PRKCSH: variants seen among roughly 807,000 people sequenced by gnomAD.
PRKCSH encodes the protein PRKCSH beta subunit of glucosidase II, also known as glucosidase 2 subunit beta.
Under a neutral mutation model 79.7 loss-of-function variants are expected in PRKCSH, and 42 were observed. The observed-to-expected ratio is 0.53, with a 90% CI of 0.41 to 0.68. The LOEUF (loss-of-function observed/expected upper bound fraction) is 0.68. PRKCSH is among the 30% of genes least tolerant of loss of function. The pLI, the probability that PRKCSH is intolerant of heterozygous loss-of-function variation, is 0.00. For missense variants in PRKCSH, 686 were observed against 709.0 expected, an observed-to-expected ratio of 0.97 and a Z score of 0.37; for synonymous variants, 325 against 288.2, an observed-to-expected ratio of 1.13 and a Z score of -1.29.
intron 5 of PRKCSH, among the ~76,000 whole-genome samples, chr19:11,439,350 T>TC (rs1969938567): frequency 6.6e-6 from 1 of 151,694 alleles, no homozygotes; most frequent in Admixed American, 6.6e-5. Context: ...GCAGGAAGAC[T>TC]GCTTGAGCCC....
intron 7 of PRKCSH, among the ~76,000 whole-genome samples, chr19:11,445,070 A>G (rs1970232142): frequency 1.3e-5 from 2 of 151,972 alleles, no homozygotes; most frequent in African/African-American, 4.8e-5. Context: ...CTGTCCCAAC[A>G]GTGGCCTGAC....
In PRKCSH at chr19:11,447,762, G is replaced by A. The variant is rs764376521; in HGVS notation, c.1099G>A (p.Asp367Asn). The stretch of plus-strand genomic sequence containing the variant: ...TGAGGAAGACAAAATGCCGCCCTAC[G>A]ACGAGCAGACGCAGGCCTTCATCGA... ...PAEEDKMPPY[D>N]EQTQAFIDAA... is the part of the protein sequence containing the mutation. The change falls in exon 12 of 18, where the codon GAC (aspartate) becomes AAC (asparagine). Residue 367 changes from aspartate (D) to asparagine (N), a missense_variant. Transcript: ENST00000677123. This position sits in a 1 kb window ranked among gnomAD's most constrained non-coding sequence, Gnocchi z 5.6. 8 of 1,590,426 alleles carry A rather than the reference G, an allele frequency of 5.0e-6. No individual in the cohort carries two copies. In the African/African-American group the frequency reaches 8.0e-5, roughly 16 times the overall value.
At position 11,448,740 on chromosome 19, in the gene PRKCSH, G is replaced by C; in HGVS notation, c.1286+111G>C. 1 of 1,343,878 alleles carries C rather than the reference G, an allele frequency of 7.4e-7. No individual in the cohort carries two copies. The highest frequency in any genetic ancestry group is 2.3e-5 in the East Asian group (1 of 43,568). The allele number at this position is 1,343,878 out of a possible 1,614,324, so 83.2% of individuals were successfully genotyped here. On this transcript the variant is annotated intron_variant, in intron 14 of 17. Coordinates refer to ENST00000677123, the MANE Select transcript of PRKCSH (RefSeq NM_001289104.2). This position sits in a 1 kb window ranked among gnomAD's most constrained non-coding sequence, Gnocchi z 4.4. ...GGGGAACCATCTGCGGGTGGGGCCCGAGAGTGCTGCCTTCCATATTGAGGG... is the reference window on the plus strand; with the variant it reads ...GGGGAACCATCTGCGGGTGGGGCCCCAGAGTGCTGCCTTCCATATTGAGGG...
chr19:11,444,151 T>C (rs1407197750), intron 7 of PRKCSH, among the ~76,000 whole-genome samples: 1 of 152,214 alleles, frequency 6.6e-6, no homozygotes, highest in Non-Finnish European at 1.5e-5. Flanking sequence ...TAAGGCCACA[T>C]TGCATGTAGA....
In PRKCSH at chr19:11,445,654, T is replaced by A. The variant is rs1970262472; in HGVS notation, c.683+181T>A. The A allele has an allele frequency of 4.4e-6, 3 of 679,928 alleles. No homozygotes were observed. The Admixed American group carries it at 6.3e-5, about 14-fold the overall frequency. 42.1% of individuals were successfully genotyped at this position (679,928 alleles called of 1,614,324 possible). A position where few individuals can be genotyped will look rare whatever the true frequency, so the allele number is the denominator to read the frequency against. On this transcript the variant is annotated intron_variant, in intron 8 of 17. Coordinates refer to ENST00000677123, the MANE Select transcript of PRKCSH (RefSeq NM_001289104.2). ...GTGGATGGCCAGGTCCAGGATGCCC[T>A]GGGCGAGGAGATAGGGGGACCACCC...
intron 7 of PRKCSH, 135 bp from the exon 8 acceptor site, chr19:11,445,254 C>A: frequency 1.3e-6 from 1 of 774,368 alleles, no homozygotes; most frequent in Non-Finnish European, 2.2e-6. Flanking sequence ...TTTGTCTCCT[C>A]CACAGTCGTG....
rs772564146 is a variant in PRKCSH at position 11,449,205 on chromosome 19, G to T, written c.1461+30G>T. 6.2e-7 allele frequency: 1 copy of T among 1,613,620 alleles called. No individual in the cohort carries two copies. The highest frequency in any genetic ancestry group is 8.5e-7 in the Non-Finnish European group (1 of 1,179,956). ...GTGCCTGCAAGGCAGGGGAGCTGGG[G>T]CGGGGAGACCCAGGCCTGGCCCAGC... On this transcript the variant is annotated intron_variant, in intron 16 of 17. Coordinates refer to ENST00000677123, the MANE Select transcript of PRKCSH (RefSeq NM_001289104.2). The surrounding 1 kb of genome is among the most constrained non-coding windows in gnomAD (Gnocchi z 6.4).
intron 3 of PRKCSH, among the ~76,000 whole-genome samples, chr19:11,437,657 C>A (rs564332991): frequency 3.3e-5 from 5 of 152,172 alleles, no homozygotes; most frequent in African/African-American, 9.7e-5. Flanking sequence ...CAGGTGGAGA[C>A]CCTGTTTTGA....
rs1416255933 is a variant in PRKCSH, at chr19:11,436,441, C to T, written c.132C>T (p.Ala44=). 1.2e-6 allele frequency: 2 copies of T among 1,614,096 alleles called. No homozygotes were observed. Among genetic ancestry groups the T allele is most frequent in the African/African-American group, 2.7e-5 (2 of 74,928 alleles). The change falls in exon 3 of 18, where the codon GCC becomes GCT. Residue 44 remains alanine, a synonymous_variant. Coordinates refer to ENST00000677123, the MANE Select transcript of PRKCSH (RefSeq NM_001289104.2). ...CTTTCACCTGCCTGGACGGTTCGGC[C>T]ACCATCCCATTTGATCAGGTCAACG... ...SKPFTCLDGS[A]TIPFDQVNDD...
rs757676289 is a variant in PRKCSH, at chr19:11,445,480, G to A, written c.683+7G>A. 9 of 1,613,686 alleles carry A rather than the reference G, an allele frequency of 5.6e-6. No individual in the cohort carries two copies. The highest frequency in any genetic ancestry group is 1.7e-6 in the Non-Finnish European group (2 of 1,179,800). On this transcript the variant is annotated splice_region_variant and intron_variant, in intron 8 of 17. Transcript: ENST00000677123. Reference sequence around the variant, plus strand: ...ATGATGACATGGACGGGACGTGAGTGTCCCCTAGTTGGAGCTGCCCACCTT... The same window carrying A: ...ATGATGACATGGACGGGACGTGAGTATCCCCTAGTTGGAGCTGCCCACCTT...
chr19:11,446,376 G>A (rs1970300252), intron 9 of PRKCSH, 26 bp downstream of exon 9: 2 of 1,604,498 alleles, frequency 1.2e-6, no homozygotes, highest in African/African-American at 1.3e-5. Context: ...CCTTGGTTGG[G>A]GACTTCTAGG....
rs1970048530 is a variant in PRKCSH at position 11,441,262 on chromosome 19, G to A, written c.373G>A (p.Glu125Lys). 1 of 1,614,106 alleles carries A rather than the reference G, an allele frequency of 6.2e-7. No individual in the cohort carries two copies. Residue 125 changes from glutamate to lysine, a missense_variant, in exon 6 of 18, where the codon GAG becomes AAG. By Grantham distance (56) the Glu-to-Lys change is moderately conservative. Coordinates refer to ENST00000677123, the MANE Select transcript of PRKCSH (RefSeq NM_001289104.2). ...TCKEKGRKER[E>K]SLQQMAEVTR... ...CAGAGAGAAGGGCCGTAAGGAGAGA[G>A]AGTCCCTGCAGCAGATGGCCGAGGT...
intron 3 of PRKCSH, among the ~76,000 whole-genome samples, chr19:11,437,327 C>G (rs1014678903): frequency 6.6e-6 from 1 of 151,288 alleles, no homozygotes; most frequent in Non-Finnish European, 1.5e-5. Flanking sequence ...CGTGAGCCAC[C>G]GTACCTGGCC....
rs781114861 is a variant in PRKCSH at position 11,449,458 on chromosome 19, TG to T, written c.*16+31del. 1.3e-4 allele frequency: 212 copies of T among 1,612,048 alleles called. No homozygotes were observed. In the African/African-American group the frequency reaches 2.3e-3, roughly 17 times the overall value. On this transcript the variant is annotated intron_variant, in intron 17 of 17. Coordinates refer to ENST00000677123, the MANE Select transcript of PRKCSH (RefSeq NM_001289104.2). This position sits in a 1 kb window ranked among gnomAD's most constrained non-coding sequence, Gnocchi z 6.4. ...GCGGGGAGGTGGAGTCTCGTCGGCCTGCCCCAGCAAGGGGAGGCGGCGGGCC... is the reference window on the plus strand; with the variant it reads ...GCGGGGAGGTGGAGTCTCGTCGGCCTCCCCAGCAAGGGGAGGCGGCGGGCC...
chr19:11,441,038 G>A, intron 5 of PRKCSH: 1 of 592,922 alleles, frequency 1.7e-6, no homozygotes, highest in South Asian at 1.7e-5. Flanking sequence ...TGACCCCAGG[G>A]GCTTACAGAA....
chr19:11,438,535 T>C (rs1236421125), intron 5 of PRKCSH, among the ~76,000 whole-genome samples: 1 of 151,824 alleles, frequency 6.6e-6, no homozygotes, highest in African/African-American at 2.4e-5. Flanking sequence ...GGCAGGCGGA[T>C]CACGAGGTCA....
In PRKCSH at chr19:11,447,828, A is replaced by G. The variant is rs769136801; in HGVS notation, c.1126+39A>G. 21 of 1,521,038 alleles carry G rather than the reference A, an allele frequency of 1.4e-5. No individual in the cohort carries two copies. The East Asian group carries it at 1.5e-4, about 11-fold the overall frequency. 94.2% of individuals were successfully genotyped at this position (1,521,038 alleles called of 1,614,324 possible). ...GGGGCCAGGCTCCTCGGGTGGGCCCAGCGTTTCCTGCCGTGGTGGCACAGG... is the reference window on the plus strand; with the variant it reads ...GGGGCCAGGCTCCTCGGGTGGGCCCGGCGTTTCCTGCCGTGGTGGCACAGG... On this transcript the variant is annotated intron_variant, in intron 12 of 17. Coordinates refer to ENST00000677123, the MANE Select transcript of PRKCSH (RefSeq NM_001289104.2). The surrounding 1 kb of genome is among the most constrained non-coding windows in gnomAD (Gnocchi z 5.6).
chr19:11,440,867 G>C (rs533846770), intron 5 of PRKCSH, among the ~76,000 whole-genome samples: 3 of 151,762 alleles, frequency 2.0e-5, no homozygotes, highest in South Asian at 4.2e-4. Flanking sequence ...GTCTTTATAT[G>C]TTGCCCAGGC....
chr19:11,438,784 C>T (rs975366962), intron 5 of PRKCSH, among the ~76,000 whole-genome samples: 1 of 149,596 alleles, frequency 6.7e-6, no homozygotes, highest in Non-Finnish European at 1.5e-5. Flanking sequence ...AAAAAGCATA[C>T]AACAGAAGGA....
Sources: allele counts gnomAD v4.1 joint callset (sites outside exome capture counted in the v4.1 genomes callset), GRCh38; gene constraint gnomAD v4.1.1; non-coding constraint Gnocchi (gnomAD v3.1); transcripts MANE v1.5; gene names NCBI Gene and HGNC (gene_info 2026-07-23, HGNC 2026-07-21).